AGPAT3: variants seen among roughly 807,000 people sequenced by gnomAD.
The protein encoded by AGPAT3 is 1-acylglycerol-3-phosphate O-acyltransferase 3.
AGPAT3 carries 5 observed loss-of-function variants against 47.3 expected under a neutral mutation model. That is an observed-to-expected ratio of 0.11 (90% confidence interval 0.06 to 0.22). AGPAT3 has a LOEUF of 0.22. AGPAT3 is among the 10% of genes least tolerant of loss of function. The pLI is 1.00. For missense variants in AGPAT3, 315 were observed against 493.0 expected (o/e 0.64, Z 3.42); for synonymous variants, 212 against 208.3 (o/e 1.02, Z -0.15).
chr21:43,974,321 G>T (rs2089517540), intron 7 of AGPAT3, among the ~76,000 whole-genome samples: 1 of 151,890 alleles, frequency 6.6e-6, no homozygotes, highest in Non-Finnish European at 1.5e-5. Context: ...GATGTATGTG[G>T]TGTGTGTATA....
chr21:43,888,756 C>T (rs542452678), intron 1 of AGPAT3, among the ~76,000 whole-genome samples: 2 of 152,282 alleles, frequency 1.3e-5, no homozygotes, highest in African/African-American at 2.4e-5. Flanking sequence ...TTTGGGAGGC[C>T]AAGGCGAGCG....
At chr21:43,874,607 A>G (rs2085693808) in intron 1 of AGPAT3, among the ~76,000 whole-genome samples, 1 of 152,194 alleles carries the variant, frequency 6.6e-6, no homozygotes, top group African/African-American at 2.4e-5. Flanking sequence ...CTTCTGGCTT[A>G]TAAAGTTGCG....
intron 2 of AGPAT3, among the ~76,000 whole-genome samples, chr21:43,912,075 A>G (rs747934990): frequency 1.3e-5 from 2 of 152,246 alleles, no homozygotes; most frequent in Non-Finnish European, 2.9e-5. Context: ...GCCTAGAGGT[A>G]TCTTAGTCGT....
At chr21:43,910,011 G>C (rs1350142684) in intron 2 of AGPAT3, among the ~76,000 whole-genome samples, 2 of 152,158 alleles carry the variant, frequency 1.3e-5, no homozygotes, top group Non-Finnish European at 2.9e-5. Context: ...ACGCATCCTG[G>C]GGAAGTGAGG....
intron 1 of AGPAT3, 103 bp from the exon 2 acceptor site, chr21:43,903,854 G>GGC (rs1231227657): frequency 6.6e-6 from 1 of 152,330 alleles, no homozygotes; most frequent in African/African-American, 2.4e-5. Context: ...CAGTCTCCCT[G>GGC]ACATGCAGCC....
chr21:43,906,491 T>G (rs1419720181), intron 2 of AGPAT3, among the ~76,000 whole-genome samples: 1 of 151,976 alleles, frequency 6.6e-6, no homozygotes, highest in African/African-American at 2.4e-5. Context: ...AAACCAGAAA[T>G]GTTGTATCAC....
chr21:43,957,505 AC>A (rs2088531906), intron 2 of AGPAT3, among the ~76,000 whole-genome samples: 1 of 134,238 alleles, frequency 7.4e-6, no homozygotes, highest in African/African-American at 2.9e-5. Context: ...TCCCCTCCAC[AC>A]GGGGGGTCTC....
At chr21:43,867,876 A>T (rs188883710) in intron 1 of AGPAT3, 145 of 151,998 alleles carry the variant, frequency 9.5e-4, no homozygotes, top group African/African-American at 3.4e-3. Flanking sequence ...CTTTTGGTTA[A>T]CCGAAGAGTG....
At chr21:43,911,445 C>T (rs1369868618) in intron 2 of AGPAT3, among the ~76,000 whole-genome samples, 1 of 152,248 alleles carries the variant, frequency 6.6e-6, no homozygotes, top group Non-Finnish European at 1.5e-5. Flanking sequence ...CAGGCCAACG[C>T]AGCGAGGCCT....
intron 1 of AGPAT3, among the ~76,000 whole-genome samples, chr21:43,903,392 G>A (rs1033801172): frequency 6.6e-6 from 1 of 152,188 alleles, no homozygotes; most frequent in Non-Finnish European, 1.5e-5. Context: ...TAAAAATGGT[G>A]GATTTTATGT....
chr21:43,975,322 G>A (rs2146859580), intron 7 of AGPAT3, among the ~76,000 whole-genome samples: 1 of 151,044 alleles, frequency 6.6e-6, no homozygotes, highest in Non-Finnish European at 1.5e-5. Flanking sequence ...GTGCTGGCGT[G>A]TGCTGGCGTG....
Position 43,959,801 on chromosome 21 carries a change from G to T in AGPAT3, c.120G>T (p.Pro40=), listed in dbSNP as rs191570129. 3 of 1,613,116 alleles carry T rather than the reference G, an allele frequency of 1.9e-6. No individual in the cohort carries two copies. Among genetic ancestry groups the T allele is most frequent in the Admixed American group, 3.3e-5 (2 of 60,014 alleles). Residue 40 remains proline (P), a synonymous_variant, in exon 3 of 10, where the codon CCG becomes CCT. Coordinates refer to ENST00000291572, the MANE Select transcript of AGPAT3 (RefSeq NM_020132.5). Reference sequence around the variant, plus strand: ...AGCTGTGCACGCTGGCGCTCTGGCCGGTCAGCAAGCAGCTCTACCGCCGCC... The same window carrying T: ...AGCTGTGCACGCTGGCGCTCTGGCCTGTCAGCAAGCAGCTCTACCGCCGCC... ...FVQLCTLALW[P]VSKQLYRRLN...
rs891889639 is a variant in AGPAT3, at chr21:43,922,953, G to C, written c.-49+18934G>C. ...GGCGGGCTCTGGGGTGCGAGCGTCT[G>C]TTCTGTGTCAGGAGTCCCTGTTTCT... On this transcript the variant is annotated intron_variant, in intron 2 of 9. Coordinates refer to ENST00000291572, the MANE Select transcript of AGPAT3 (RefSeq NM_020132.5). The surrounding 1 kb of genome is among the most constrained non-coding windows in gnomAD (Gnocchi z 4.9). Among the ~76,000 whole-genome samples, 2 of 152,360 alleles carry C rather than the reference G, an allele frequency of 1.3e-5. No individual in the cohort carries two copies. Among genetic ancestry groups the C allele is most frequent in the African/African-American group, 4.8e-5 (2 of 41,588 alleles).
At chr21:43,881,609 C>T (rs1172704441) in intron 1 of AGPAT3, among the ~76,000 whole-genome samples, 1 of 152,156 alleles carries the variant, frequency 6.6e-6, no homozygotes, top group Non-Finnish European at 1.5e-5. Flanking sequence ...ATATTGGTTA[C>T]ACGTAGAAAT....
chr21:43,897,760 A>G (rs1311706516), intron 1 of AGPAT3, among the ~76,000 whole-genome samples: 1 of 152,186 alleles, frequency 6.6e-6, no homozygotes, highest in African/African-American at 2.4e-5. Flanking sequence ...AGAGGCTGTA[A>G]TCTTAGCACT....
At chr21:43,885,391 CTTTT>C (rs113393341) in intron 1 of AGPAT3, among the ~76,000 whole-genome samples, 1 of 139,766 alleles carries the variant, frequency 7.2e-6, no homozygotes, top group Non-Finnish European at 1.6e-5. Flanking sequence ...TTTCTTTTTT[CTTTT>C]TTTTTTTTTT....
intron 7 of AGPAT3, among the ~76,000 whole-genome samples, chr21:43,977,002 G>A (rs755615460): frequency 1.3e-5 from 2 of 152,220 alleles, no homozygotes; most frequent in Non-Finnish European, 2.9e-5. Flanking sequence ...GGCTTACCCT[G>A]TGTACTTACT....
chr21:43,975,309 AGTGTGCTGGC>A (rs1236155622), intron 7 of AGPAT3, among the ~76,000 whole-genome samples: 12 of 124,726 alleles, frequency 9.6e-5, no homozygotes, highest in East Asian at 2.4e-4. Context: ...GCTGGCATGT[AGTGTGCTGGC>A]GTGTGCTGGC....
chr21:43,977,896 A>AT, intron 7 of AGPAT3, 150 bp from the exon 8 acceptor site: 1 of 613,438 alleles, frequency 1.6e-6, no homozygotes, highest in Non-Finnish European at 2.8e-6. Context: ...AAAAAAAAAA[A>AT]AAAGAAAAGA....
Sources: gnomAD v4.1 joint callset for allele counts (sites outside exome capture counted in the v4.1 genomes callset) on GRCh38, gnomAD v4.1.1 for gene constraint, Gnocchi (gnomAD v3.1) non-coding constraint, MANE v1.5 for transcripts, NCBI Gene and HGNC (gene_info 2026-07-23, HGNC 2026-07-21) for gene names.